TBC1D32: variants seen among roughly 807,000 people sequenced by gnomAD.
The protein encoded by TBC1D32 is TBC1 domain family member 32.
Under a neutral mutation model 170.3 loss-of-function variants are expected in TBC1D32, and 151 were observed. The observed-to-expected ratio is 0.89, with a 90% confidence interval of 0.78 to 1.01. The LOEUF (loss-of-function observed/expected upper bound fraction) is 1.01. TBC1D32 is among the 50% of genes least tolerant of loss of function. TBC1D32 has a pLI of 0.00. For synonymous variants in TBC1D32, 498 were observed against 488.0 expected (o/e 1.02, Z -0.27); for missense variants, 1,464 against 1,457.1 (o/e 1.00, Z -0.08).
intron 30 of TBC1D32, among the ~76,000 whole-genome samples, chr6:121,104,259 T>C (rs918507091): frequency 4.0e-5 from 6 of 151,612 alleles, no homozygotes; most frequent in Non-Finnish European, 8.9e-5. Flanking sequence ...CTGTATCACA[T>C]AAAAATATCA....
At chr6:121,095,569 T>A (rs9375001) in intron 30 of TBC1D32, among the ~76,000 whole-genome samples, 1 of 152,024 alleles carries the variant, frequency 6.6e-6, no homozygotes. Context: ...GGCTGTGAGT[T>A]TGTCATAAAT....
chr6:121,120,928 A>G (rs1306480727), intron 26 of TBC1D32, among the ~76,000 whole-genome samples: 2 of 152,006 alleles, frequency 1.3e-5, no homozygotes, highest in Non-Finnish European at 2.9e-5. Context: ...CATTATGTGT[A>G]AATAAATATA....
In TBC1D32 at chr6:121,135,536, C is replaced by T. The variant is rs920818314; in HGVS notation, c.2774-3784G>A. 3.9e-5 allele frequency among the ~76,000 whole-genome samples: 6 copies of T among 152,060 alleles called. 1 individual carries two copies. The highest frequency in any genetic ancestry group is 1.4e-4 in the African/African-American group (6 of 41,410). On this transcript the variant is annotated intron_variant, in intron 24 of 31. Transcript: ENST00000398212. ...GTCCACTTTCTTCCTGGAGGTTTTG[C>T]TGAATTAAGGAGACAGGTGTCAGAT...
chr6:121,300,626 T>C (rs2071246386), intron 9 of TBC1D32, among the ~76,000 whole-genome samples: 1 of 152,114 alleles, frequency 6.6e-6, no homozygotes, highest in South Asian at 2.1e-4. Context: ...GACATAGGCA[T>C]GGGCAAAGAC....
upstream of TBC1D32, chr6:121,334,535 T>A (rs548949402): frequency 2.2e-6 from 3 of 1,384,474 alleles, no homozygotes; most frequent in African/African-American, 4.4e-5. Flanking sequence ...ACGTGCGGCG[T>A]CGTTCCCAGG....
At chr6:121,155,825 A>T (rs1361396591) in intron 24 of TBC1D32, among the ~76,000 whole-genome samples, 1 of 152,058 alleles carries the variant, frequency 6.6e-6, no homozygotes, top group African/African-American at 2.4e-5. Flanking sequence ...TTTGCATATG[A>T]TGAACCAAAC....
At chr6:121,321,346 G>A (rs1165864640) in intron 2 of TBC1D32, among the ~76,000 whole-genome samples, 2 of 152,296 alleles carry the variant, frequency 1.3e-5, no homozygotes, top group East Asian at 3.9e-4. Context: ...AGACCACAGT[G>A]GCTAGAGCAG....
At chr6:121,170,059 G>T (rs1786742700) in intron 22 of TBC1D32, among the ~76,000 whole-genome samples, 1 of 151,946 alleles carries the variant, frequency 6.6e-6, no homozygotes, top group Admixed American at 6.6e-5. Flanking sequence ...AGGCGATATG[G>T]TTTATGGAAC....
intron 26 of TBC1D32, among the ~76,000 whole-genome samples, chr6:121,117,609 G>GT (rs1193354268): frequency 6.6e-5 from 10 of 152,244 alleles, no homozygotes; most frequent in South Asian, 6.2e-4. Context: ...GGCTGAAGCA[G>GT]AAGAATTGCC....
At chr6:121,192,062 C>T (rs1178387779) in intron 22 of TBC1D32, among the ~76,000 whole-genome samples, 1 of 12,072 alleles carries the variant, frequency 8.3e-5, no homozygotes, top group African/African-American at 9.5e-5. Flanking sequence ...TAATAAACTA[C>T]CCTTTATATA....
At chr6:121,212,302 G>A (rs940642531) in intron 21 of TBC1D32, among the ~76,000 whole-genome samples, 2 of 152,038 alleles carry the variant, frequency 1.3e-5, no homozygotes, top group African/African-American at 2.4e-5. Context: ...GTACAAATAA[G>A]AGCTGGTATC....
intron 31 of TBC1D32, among the ~76,000 whole-genome samples, chr6:121,082,552 T>G (rs1027561278): frequency 6.6e-6 from 1 of 151,938 alleles, no homozygotes; most frequent in Non-Finnish European, 1.5e-5. Flanking sequence ...GAAGAACTGT[T>G]TCAGGACATA....
intron 24 of TBC1D32, among the ~76,000 whole-genome samples, chr6:121,147,918 CTT>C (rs35019014): frequency 7.3e-6 from 1 of 136,754 alleles, no homozygotes; most frequent in Non-Finnish European, 1.6e-5. Flanking sequence ...ACTTGTATGT[CTT>C]TTTTTTTTTT....
At chr6:121,207,156 C>G (rs1459848240) in intron 21 of TBC1D32, among the ~76,000 whole-genome samples, 6 of 152,134 alleles carry the variant, frequency 3.9e-5, no homozygotes, top group Admixed American at 3.9e-4. Context: ...ACAGAACAAT[C>G]CAGAATTGAT....
At chr6:121,186,157 T>G (rs1053331375) in intron 22 of TBC1D32, among the ~76,000 whole-genome samples, 4 of 152,128 alleles carry the variant, frequency 2.6e-5, no homozygotes, top group African/African-American at 9.6e-5. Context: ...AAATTTAAAC[T>G]TTCTTCTAAT....
At chr6:121,259,879 A>T (rs1293078361) in intron 15 of TBC1D32, among the ~76,000 whole-genome samples, 2 of 152,160 alleles carry the variant, frequency 1.3e-5, no homozygotes, top group Admixed American at 6.5e-5. Flanking sequence ...CATTTCATGC[A>T]GCTAACCCAG....
In TBC1D32 at chr6:121,322,456, TAAGA is replaced by T. The variant is rs1809864854; in HGVS notation, c.156-666_156-663del. On this transcript the variant is annotated intron_variant, in intron 1 of 31. Transcript: ENST00000398212. Reference sequence around the variant, plus strand: ...CTTTGAAAACATTATTTCACCCACTTAAGAGTGTTTTACCACCACTCGTATAGAT... The same window carrying T: ...CTTTGAAAACATTATTTCACCCACTTGTGTTTTACCACCACTCGTATAGAT... 2.6e-5 allele frequency among the ~76,000 whole-genome samples: 4 copies of T among 152,308 alleles called. No homozygotes were observed. The South Asian group carries it at 8.3e-4, about 32-fold the overall frequency.
chr6:121,237,686 G>A (rs1435136916), intron 20 of TBC1D32, among the ~76,000 whole-genome samples: 1 of 151,466 alleles, frequency 6.6e-6, no homozygotes, highest in African/African-American at 2.4e-5. Flanking sequence ...TTTAATTCTA[G>A]AATGGCTATC....
At chr6:121,275,637 G>A (rs534925622) in intron 15 of TBC1D32, among the ~76,000 whole-genome samples, 9 of 152,204 alleles carry the variant, frequency 5.9e-5, no homozygotes, top group African/African-American at 9.6e-5. Flanking sequence ...GGGATACCTC[G>A]TACTTCCCAT....
Sources: gnomAD v4.1 joint callset for allele counts (sites outside exome capture counted in the v4.1 genomes callset) on GRCh38, gnomAD v4.1.1 for gene constraint, MANE v1.5 for transcripts, NCBI Gene and HGNC (gene_info 2026-07-23, HGNC 2026-07-21) for gene names.